TAFA5: variants seen among roughly 807,000 people sequenced by gnomAD.
TAFA5 encodes TAFA chemokine like family member 5.
A neutral mutation model predicts 15.3 loss-of-function variants in TAFA5; 6 were observed. The observed-to-expected ratio is 0.39, with a 90% CI of 0.21 to 0.77. The LOEUF is 0.77. TAFA5 is among the 30% of genes least tolerant of loss of function. The pLI, the probability that TAFA5 is intolerant of heterozygous loss-of-function variation, is 0.41. For synonymous variants in TAFA5, 103 were observed against 80.7 expected (o/e 1.28, Z -1.48); for missense variants, 161 against 193.1 (o/e 0.83, Z 0.98).
rs1930457713 is a variant in TAFA5 at position 48,750,532 on chromosome 22, C to G, written c.*685C>G. On this transcript the variant is annotated 3_prime_UTR_variant, in exon 4 of 4. Transcript: ENST00000402357. Reference sequence around the variant, plus strand: ...TCGGCTGCGCGGAGGCCGTGGCACACCTGCGGGAGGCAGCGACGGCCCCCA... The same window carrying G: ...TCGGCTGCGCGGAGGCCGTGGCACAGCTGCGGGAGGCAGCGACGGCCCCCA... 2 of 152,498 alleles carry G rather than the reference C, an allele frequency of 1.3e-5. No homozygotes were observed. The highest frequency in any genetic ancestry group is 2.9e-5 in the Non-Finnish European group (2 of 68,070). 9.4% of individuals were successfully genotyped at this position (152,498 alleles called of 1,614,324 possible).
At chr22:48,562,443 G>T (rs918598779) in intron 1 of TAFA5, among the ~76,000 whole-genome samples, 1 of 152,202 alleles carries the variant, frequency 6.6e-6, no homozygotes, top group Non-Finnish European at 1.5e-5. Context: ...CGGCCCCGCG[G>T]AGCCTTTCTA....
At chr22:48,668,498 G>A (rs1429999793) in intron 2 of TAFA5, among the ~76,000 whole-genome samples, 1 of 21,258 alleles carries the variant, frequency 4.7e-5, no homozygotes, top group Non-Finnish European at 6.5e-5. Context: ...TCAGGGCCGC[G>A]TCTTCACTGG....
intron 2 of TAFA5, among the ~76,000 whole-genome samples, chr22:48,673,174 T>C (rs939991551): frequency 6.6e-6 from 1 of 152,250 alleles, no homozygotes; most frequent in African/African-American, 2.4e-5. Context: ...CACCGTCATC[T>C]TCTCCTCCAG....
intron 2 of TAFA5, among the ~76,000 whole-genome samples, chr22:48,678,720 G>A (rs1422413819): frequency 2.0e-5 from 3 of 151,918 alleles, no homozygotes; most frequent in Non-Finnish European, 4.4e-5. Context: ...ACAGGAAAAC[G>A]CATGATGGAA....
intron 2 of TAFA5, among the ~76,000 whole-genome samples, chr22:48,649,041 C>G (rs1314317652): frequency 1.3e-5 from 2 of 152,186 alleles, no homozygotes; most frequent in African/African-American, 4.8e-5. Context: ...ACAGGCCAGG[C>G]AGTGAGTCTG....
intron 1 of TAFA5, among the ~76,000 whole-genome samples, chr22:48,591,135 CACTAAT>C (rs1924553108): frequency 1.3e-5 from 2 of 152,224 alleles, no homozygotes; most frequent in African/African-American, 4.8e-5. Flanking sequence ...GTTCTTAATG[CACTAAT>C]TTATCTTAGT....
chr22:48,629,299 G>A (rs147724553), intron 1 of TAFA5, among the ~76,000 whole-genome samples: 2 of 152,202 alleles, frequency 1.3e-5, no homozygotes, highest in East Asian at 1.9e-4. Flanking sequence ...CCCATCCTCC[G>A]GCTCAGGAAG....
chr22:48,694,697 TGGCAAG>T (rs1928648243), intron 2 of TAFA5, among the ~76,000 whole-genome samples: 2 of 152,096 alleles, frequency 1.3e-5, no homozygotes, highest in Non-Finnish European at 2.9e-5. Context: ...CACAGTGCCC[TGGCAAG>T]GGCTGACCTA....
chr22:48,498,497 G>A (rs1167050989), intron 1 of TAFA5, among the ~76,000 whole-genome samples: 2 of 152,044 alleles, frequency 1.3e-5, no homozygotes, highest in Non-Finnish European at 2.9e-5. Context: ...GACTTTTCTC[G>A]TTGCTAGAGT....
intron 3 of TAFA5, among the ~76,000 whole-genome samples, chr22:48,731,801 C>G (rs552362711): frequency 6.6e-6 from 1 of 152,310 alleles, no homozygotes; most frequent in African/African-American, 2.4e-5. Flanking sequence ...ATGCTGTGTT[C>G]ATGCTGCTAA....
intron 2 of TAFA5, among the ~76,000 whole-genome samples, chr22:48,681,390 C>A (rs925365299): frequency 6.6e-6 from 1 of 151,916 alleles, no homozygotes; most frequent in Non-Finnish European, 1.5e-5. Context: ...CACCTGTAAT[C>A]CTAGCACTTT....
chr22:48,633,512 G>C (rs138626085), intron 1 of TAFA5, among the ~76,000 whole-genome samples: 2,389 of 61,424 alleles, frequency 0.039, 138 homozygotes, highest in African/African-American at 0.22. Flanking sequence ...CTGTCTGTCT[G>C]TCTGTCTGTC....
intron 3 of TAFA5, among the ~76,000 whole-genome samples, chr22:48,709,017 C>T (rs568535895): frequency 4.6e-5 from 7 of 152,300 alleles, no homozygotes; most frequent in East Asian, 1.9e-4. Context: ...GAGAGTCGCA[C>T]GGCTTTCTGC....
intron 1 of TAFA5, among the ~76,000 whole-genome samples, chr22:48,611,905 CA>C (rs1925423480): frequency 6.6e-6 from 1 of 152,184 alleles, no homozygotes; most frequent in South Asian, 2.1e-4. Flanking sequence ...GGGAGGGGCC[CA>C]CCTCTGGCTG....
chr22:48,630,901 G>A (rs1373492206), intron 1 of TAFA5, among the ~76,000 whole-genome samples: 1 of 152,154 alleles, frequency 6.6e-6, no homozygotes, highest in Non-Finnish European at 1.5e-5. Context: ...AGTGTCCCAG[G>A]GGCACCTGCA....
intron 1 of TAFA5, among the ~76,000 whole-genome samples, chr22:48,537,214 C>T (rs1348545143): frequency 1.2e-4 from 16 of 130,222 alleles, no homozygotes; most frequent in Admixed American, 7.8e-5. Context: ...GGGGTGGGGG[C>T]AGGGTGGGGC....
At chr22:48,628,248 G>T (rs1926092361) in intron 1 of TAFA5, among the ~76,000 whole-genome samples, 1 of 152,196 alleles carries the variant, frequency 6.6e-6, no homozygotes, top group East Asian at 1.9e-4. Flanking sequence ...GGCGCGTGGG[G>T]ACATGGGGAG....
intron 3 of TAFA5, among the ~76,000 whole-genome samples, chr22:48,726,638 A>G (rs1248885027): frequency 7.3e-6 from 1 of 137,002 alleles, no homozygotes; most frequent in African/African-American, 2.8e-5. Flanking sequence ...TCACTGGTCC[A>G]GTGGTGGTGG....
intron 3 of TAFA5, among the ~76,000 whole-genome samples, chr22:48,741,721 C>A (rs1930185814): frequency 6.6e-6 from 1 of 151,934 alleles, no homozygotes; most frequent in South Asian, 2.1e-4. Flanking sequence ...AGGAGAGGGG[C>A]CTCAGAAGCC....
Sources: gnomAD v4.1 joint callset for allele counts (sites outside exome capture counted in the v4.1 genomes callset) on GRCh38, gnomAD v4.1.1 for gene constraint, MANE v1.5 for transcripts, NCBI Gene and HGNC (gene_info 2026-07-23, HGNC 2026-07-21) for gene names.